The following TTF2 variants were observed in gnomAD, a reference collection of about 807,000 sequenced individuals.
TTF2 encodes RNA polymerase II termination factor.
A neutral mutation model predicts 142.4 loss-of-function variants in TTF2; 108 were observed. The observed-to-expected ratio is 0.76, with a 90% CI of 0.65 to 0.89. The LOEUF (loss-of-function observed/expected upper bound fraction) is 0.89, where lower values mean the gene tolerates loss of function less well. Among genes scored for constraint, TTF2 ranks in the 40% least tolerant of loss-of-function variants. The pLI, the probability that TTF2 is intolerant of heterozygous loss-of-function variation, is 0.00. For synonymous variants in TTF2, 483 were observed against 506.2 expected (o/e 0.95, Z 0.61); for missense variants, 1,327 against 1,379.8 (o/e 0.96, Z 0.61).
chr1:117,089,972 T>C, intron 13 of TTF2, 83 bp from the exon 14 acceptor site: 1 of 1,459,786 alleles, frequency 6.9e-7, no homozygotes, highest in Non-Finnish European at 9.2e-7. Flanking sequence ...TGATTTGTCA[T>C]CTTATATCTT....
chr1:117,082,856 T>TATA (rs1272789325), intron 10 of TTF2, among the ~76,000 whole-genome samples: 1 of 152,186 alleles, frequency 6.6e-6, no homozygotes, highest in Non-Finnish European at 1.5e-5. Context: ...AATAACTTTA[T>TATA]AAGTACTTTA....
At position 117,093,329 on chromosome 1, in the gene TTF2, T is replaced by C. The variant is rs765061767; in HGVS notation, c.2976+428T>C. 4.6e-5 allele frequency among the ~76,000 whole-genome samples: 7 copies of C among 152,248 alleles called. No individual in the cohort carries two copies. The highest frequency in any genetic ancestry group is 1.0e-4 in the Non-Finnish European group (7 of 68,040). On this transcript the variant is annotated intron_variant, in intron 18 of 22. Coordinates refer to ENST00000369466, the MANE Select transcript of TTF2 (RefSeq NM_003594.4). The surrounding 1 kb of genome is among the most constrained non-coding windows in gnomAD (Gnocchi z 4.5). ...TTGAAAGGCTTCCACATGTGAGTAG[T>C]GTTTCCTACATAGCCTTCTGTCTTC... is the stretch of plus-strand genomic sequence containing the variant.
intron 18 of TTF2, chr1:117,094,652 G>C (rs1282404646): frequency 2.1e-6 from 1 of 484,634 alleles, no homozygotes; most frequent in Admixed American, 2.2e-5. Flanking sequence ...CATTAGGAGA[G>C]TATCTTCTCT....
At chr1:117,084,604 A>G (rs1478979405) in intron 11 of TTF2, among the ~76,000 whole-genome samples, 1 of 152,226 alleles carries the variant, frequency 6.6e-6, no homozygotes, top group African/African-American at 2.4e-5. Flanking sequence ...TTTTTAATAT[A>G]TGAACCATCT....
In TTF2 at chr1:117,086,946, GA is replaced by G. The variant is rs59907394; in HGVS notation, c.2160+435del. Among the ~76,000 whole-genome samples, 8,096 of 142,364 alleles carry G rather than the reference GA, an allele frequency of 0.057. 326 individuals are homozygous for G. Among genetic ancestry groups the G allele is most frequent in the African/African-American group, 0.11 (4,320 of 39,144 alleles). 93.4% of individuals were successfully genotyped at this position (142,364 alleles called of 152,430 possible). ...TTTCCCTGCCTCCCTTTACTTCCCA[GA>G]AAAAAAAAAAGGGTTGCAAATAATA... is the stretch of plus-strand genomic sequence containing the variant. On this transcript the variant is annotated intron_variant, in intron 12 of 22. Transcript: ENST00000369466. The surrounding 1 kb of genome is among the most constrained non-coding windows in gnomAD (Gnocchi z 4.2).
At chr1:117,061,169 C>A (rs766536127) in intron 2 of TTF2, among the ~76,000 whole-genome samples, 1 of 152,150 alleles carries the variant, frequency 6.6e-6, no homozygotes, top group Non-Finnish European at 1.5e-5. Context: ...GCGAGCGAAT[C>A]GCTTGAGCCC....
intron 18 of TTF2, chr1:117,094,552 A>G (rs757852580): frequency 2.1e-6 from 1 of 467,456 alleles, no homozygotes; most frequent in Non-Finnish European, 4.4e-6. Flanking sequence ...AGCTTTAACA[A>G]TGGTTCCTCC....
At chr1:117,065,988 C>CTT (rs544726052) in intron 3 of TTF2, among the ~76,000 whole-genome samples, 1,149 of 97,952 alleles carry the variant, frequency 0.012, 210 homozygotes, top group African/African-American at 0.047. Context: ...CACTATATAC[C>CTT]TTTTTTTTTT....
At chr1:117,081,214 C>T (rs1414709548) in intron 9 of TTF2, among the ~76,000 whole-genome samples, 2 of 152,228 alleles carry the variant, frequency 1.3e-5, no homozygotes, top group African/African-American at 4.8e-5. Context: ...CATGCTCTGA[C>T]ATTCCACTTC....
chr1:117,069,884 A>G lies in TTF2; in HGVS notation c.219-3777A>G, dbSNP rs138297708. ...CTGGCTTCTTCTAGCTGGTCCCTTC[A>G]TCGTTATTGCCTATAACCTCTGTCC... On this transcript the variant is annotated intron_variant, in intron 3 of 22. Transcript: ENST00000369466. Among the ~76,000 whole-genome samples the G allele has an allele frequency of 9.9e-4, 151 of 152,354 alleles. 1 individual carries two copies. Among genetic ancestry groups the G allele is most frequent in the Non-Finnish European group, 1.3e-4 (9 of 68,032 alleles).
At position 117,076,425 on chromosome 1, in the gene TTF2, T is replaced by TTA; in HGVS notation, c.1390+131_1390+132insTA. ...TTATTATCTGCTTCTGAGACTTCTTTCACATTACACCTATGGTTCATAAAA... is the reference window on the plus strand; with the variant it reads ...TTATTATCTGCTTCTGAGACTTCTTTTACACATTACACCTATGGTTCATAAAA... On this transcript the variant is annotated intron_variant, in intron 6 of 22. Coordinates refer to ENST00000369466, the MANE Select transcript of TTF2 (RefSeq NM_003594.4). This position sits in a 1 kb window ranked among gnomAD's most constrained non-coding sequence, Gnocchi z 4.6. The TTA allele has an allele frequency of 1.1e-6, 1 of 909,958 alleles. No individual in the cohort carries two copies. Among genetic ancestry groups the TTA allele is most frequent in the Non-Finnish European group, 1.7e-6 (1 of 603,426 alleles). 56.4% of individuals were successfully genotyped at this position (909,958 alleles called of 1,614,324 possible). A position where few individuals can be genotyped will look rare whatever the true frequency, so the allele number is the denominator to read the frequency against.
At chr1:117,083,843 G>A (rs748337567) in intron 10 of TTF2, among the ~76,000 whole-genome samples, 175 bp from the exon 11 acceptor site, 10 of 152,142 alleles carry the variant, frequency 6.6e-5, no homozygotes, top group African/African-American at 1.2e-4. Flanking sequence ...GGTCAAACAC[G>A]ATGACTCACA....
chr1:117,091,206 C>A, intron 15 of TTF2, 122 bp from the exon 16 acceptor site: 1 of 719,938 alleles, frequency 1.4e-6, no homozygotes, highest in South Asian at 2.6e-5. Context: ...GCCATTGCTT[C>A]TTATGAGCTT....
rs1649907701 is a variant in TTF2, at chr1:117,105,979, GT to G, written c.*4457del. 1 of 152,250 alleles carries G rather than the reference GT, an allele frequency of 6.6e-6. No individual in the cohort carries two copies. The highest frequency in any genetic ancestry group is 2.4e-5 in the African/African-American group (1 of 41,534). The allele number at this position is 152,250 out of a possible 1,614,324, so 9.4% of individuals were successfully genotyped here. ...ATAGGATAAGCATGGAGACACCAGT[GT>G]TCAGTGTGGCCTCTGGTTGTCTGAA... is the stretch of plus-strand genomic sequence containing the variant. On this transcript the variant is annotated 3_prime_UTR_variant, in exon 23 of 23. Coordinates refer to ENST00000369466, the MANE Select transcript of TTF2 (RefSeq NM_003594.4). The surrounding 1 kb of genome is among the most constrained non-coding windows in gnomAD (Gnocchi z 4.7).
chr1:117,087,836 C>T lies in TTF2; in HGVS notation c.2161-965C>T, dbSNP rs559822356. On this transcript the variant is annotated intron_variant, in intron 12 of 22. Coordinates refer to ENST00000369466, the MANE Select transcript of TTF2 (RefSeq NM_003594.4). The surrounding 1 kb of genome is among the most constrained non-coding windows in gnomAD (Gnocchi z 4.8). ...TCTGGACCACTCCCTTCCCACCTTC[C>T]CCCGGTTTGGTTGAATGCCTCTGCC... 1.3e-5 allele frequency among the ~76,000 whole-genome samples: 2 copies of T among 152,182 alleles called. No homozygotes were observed. The highest frequency in any genetic ancestry group is 2.9e-5 in the Non-Finnish European group (2 of 68,030).
rs777336095 is a variant in TTF2, at chr1:117,060,388, G to T, written c.28+14G>T. The T allele has an allele frequency of 1.2e-6, 2 of 1,608,260 alleles. No homozygotes were observed. Among genetic ancestry groups the T allele is most frequent in the Non-Finnish European group, 1.7e-6 (2 of 1,176,398 alleles). On this transcript the variant is annotated intron_variant, in intron 1 of 22. Transcript: ENST00000369466. ...GTCCAGAGCACGGTAAGGGGCTAGG[G>T]TCTCAGCGTCCCGGGGCCTGTTGAT... is the stretch of plus-strand genomic sequence containing the variant.
Position 117,075,169 on chromosome 1 carries a change from G to A in TTF2, c.585G>A (p.Lys195=). The part of the protein sequence containing the change: ...KKKQSVVQEK[K]QEEGAEIQCE... ...AACAATCTGTAGTTCAAGAGAAGAA[G>A]CAAGAAGAGGGAGCAGAGATTCAGT... Residue 195 remains lysine (K), a synonymous_variant, in exon 5 of 23, where the codon AAG becomes AAA. Transcript: ENST00000369466. The surrounding 1 kb of genome is among the most constrained non-coding windows in gnomAD (Gnocchi z 4.5). The A allele has an allele frequency of 6.2e-7, 1 of 1,614,138 alleles. No individual in the cohort carries two copies. Among genetic ancestry groups the A allele is most frequent in the African/African-American group, 1.3e-5 (1 of 75,040 alleles).
At position 117,102,164 on chromosome 1, in the gene TTF2, A is replaced by G. The variant is rs773194171; in HGVS notation, c.*640A>G. On this transcript the variant is annotated 3_prime_UTR_variant, in exon 23 of 23. Coordinates refer to ENST00000369466, the MANE Select transcript of TTF2 (RefSeq NM_003594.4). The stretch of plus-strand genomic sequence containing the variant: ...CTCAAAAAAAGGAAAAAAAAGCTCA[A>G]AAAGTTCTGTGTTGCCTTTCTCTTC... 2.6e-5 allele frequency: 4 copies of G among 152,424 alleles called. No homozygotes were observed. The highest frequency in any genetic ancestry group is 6.5e-5 in the Admixed American group (1 of 15,296). The allele number at this position is 152,424 out of a possible 1,614,324, so 9.4% of individuals were successfully genotyped here.
At position 117,060,549 on chromosome 1, in the gene TTF2, G is replaced by C; in HGVS notation, c.123G>C (p.Arg41=). The C allele has an allele frequency of 6.2e-7, 1 of 1,610,584 alleles. No homozygotes were observed. The highest frequency in any genetic ancestry group is 8.5e-7 in the Non-Finnish European group (1 of 1,178,034). The part of the protein sequence containing the change: ...VCRADTCSFV[R]ATDIPVSHCL... ...GGGCAGACACGTGCAGCTTCGTGCG[G>C]GCCACCGAGTAGGTCTGGAGCTGGG... Residue 41 remains arginine, a synonymous_variant, in exon 2 of 23, where the codon CGG becomes CGC. Transcript: ENST00000369466.
Sources: allele counts gnomAD v4.1 joint callset (sites outside exome capture counted in the v4.1 genomes callset), GRCh38; gene constraint gnomAD v4.1.1; non-coding constraint Gnocchi (gnomAD v3.1); transcripts MANE v1.5; gene names NCBI Gene and HGNC (gene_info 2026-07-23, HGNC 2026-07-21).